The following SAE1 variants were observed in gnomAD, a reference collection of about 807,000 sequenced individuals.
SAE1 encodes the protein SUMO1 activating enzyme subunit 1, also known as SUMO-activating enzyme subunit 1.
In SAE1, 11 loss-of-function variants were observed where a neutral mutation model predicts 40.6. The observed-to-expected ratio is 0.27, with a 90% CI of 0.17 to 0.45. The LOEUF is 0.45. SAE1 is among the 20% of genes least tolerant of loss of function. The pLI is 1.00. For missense variants in SAE1, 373 were observed against 427.3 expected, an observed-to-expected ratio of 0.87 and a Z score of 1.12; for synonymous variants, 155 against 154.3, an observed-to-expected ratio of 1.00 and a Z score of -0.03.
intron 1 of SAE1, among the ~76,000 whole-genome samples, chr19:47,132,902 A>G (rs1233701583): frequency 1.3e-5 from 2 of 151,870 alleles, no homozygotes; most frequent in Non-Finnish European, 2.9e-5. Context: ...AAAAAAAAAA[A>G]AAATCCACAA....
At chr19:47,170,020 T>C (rs961454669) in intron 6 of SAE1, 97 bp downstream of exon 6, 1 of 884,460 alleles carries the variant, frequency 1.1e-6, no homozygotes. Flanking sequence ...ATGTTTGCCT[T>C]GGGTGGCATT....
In SAE1 at chr19:47,205,166, G is replaced by A. The variant is rs535059363; in HGVS notation, c.948+1426G>A. 6.6e-5 allele frequency among the ~76,000 whole-genome samples: 10 copies of A among 152,198 alleles called. No homozygotes were observed. In the South Asian group the frequency reaches 8.3e-4, roughly 13 times the overall value. On this transcript the variant is annotated intron_variant, in intron 8 of 8. Coordinates refer to ENST00000270225, the MANE Select transcript of SAE1 (RefSeq NM_005500.3). ...TCCTTCTTTCTTATGGAGCAGAGTC[G>A]TGCCTGGTTAAATGATTGGCCATGT...
At chr19:47,148,809 T>C (rs1329484020) in intron 2 of SAE1, among the ~76,000 whole-genome samples, 1 of 152,068 alleles carries the variant, frequency 6.6e-6, no homozygotes, top group Non-Finnish European at 1.5e-5. Context: ...AGATGGGGTT[T>C]CACCATGTTG....
At chr19:47,132,499 C>A (rs2058151930) in intron 1 of SAE1, among the ~76,000 whole-genome samples, 1 of 150,212 alleles carries the variant, frequency 6.7e-6, no homozygotes, top group Admixed American at 6.7e-5. Flanking sequence ...CTCAAGCGAT[C>A]CTCGGCCTCA....
chr19:47,146,717 C>T (rs1034789499), intron 2 of SAE1, among the ~76,000 whole-genome samples: 18 of 152,106 alleles, frequency 1.2e-4, no homozygotes, highest in African/African-American at 1.4e-4. Flanking sequence ...GTGGTACGGC[C>T]GGGACCCAGG....
chr19:47,139,554 A>G (rs1376080902), intron 1 of SAE1, among the ~76,000 whole-genome samples: 2 of 150,964 alleles, frequency 1.3e-5, no homozygotes, highest in Non-Finnish European at 2.9e-5. Flanking sequence ...ACTTGAGGGA[A>G]GTAGATGGAC....
At chr19:47,175,728 C>T (rs1054259592) in intron 6 of SAE1, among the ~76,000 whole-genome samples, 1 of 152,196 alleles carries the variant, frequency 6.6e-6, no homozygotes, top group African/African-American at 2.4e-5. Flanking sequence ...CAGAACGAGA[C>T]TCTGTCTCAA....
intron 1 of SAE1, among the ~76,000 whole-genome samples, chr19:47,136,202 G>A (rs572674786): frequency 6.6e-6 from 1 of 150,466 alleles, no homozygotes; most frequent in East Asian, 2.0e-4. Flanking sequence ...ACAGTGGCAC[G>A]ATCTCAGCCC....
At chr19:47,148,363 T>C (rs2058266992) in intron 2 of SAE1, among the ~76,000 whole-genome samples, 1 of 151,936 alleles carries the variant, frequency 6.6e-6, no homozygotes, top group Non-Finnish European at 1.5e-5. Flanking sequence ...GTAGGAGGTG[T>C]TGAGGGGAGA....
chr19:47,150,448 C>T, intron 3 of SAE1, 73 bp downstream of exon 3: 2 of 1,205,584 alleles, frequency 1.7e-6, no homozygotes, highest in Non-Finnish European at 2.3e-6. Context: ...ACTTTCAAAT[C>T]CCAAAGCAAT....
Position 47,189,418 on chromosome 19 carries a change from G to A in SAE1, c.734-7815G>A, listed in dbSNP as rs768556572. ...TAAAAAATATGTATATAAATGAGCC[G>A]GGCGTAGTGGTGCGTGCCTGTAATC... On this transcript the variant is annotated intron_variant, in intron 6 of 8. Transcript: ENST00000270225. Among the ~76,000 whole-genome samples, 5 of 152,248 alleles carry A rather than the reference G, an allele frequency of 3.3e-5. No homozygotes were observed. In the South Asian group the frequency reaches 6.2e-4, roughly 19 times the overall value.
At chr19:47,139,343 A>T (rs2058202964) in intron 1 of SAE1, among the ~76,000 whole-genome samples, 1 of 151,760 alleles carries the variant, frequency 6.6e-6, no homozygotes, top group Non-Finnish European at 1.5e-5. Context: ...CGCCTGGCAC[A>T]CCCAGCTAAT....
intron 3 of SAE1, among the ~76,000 whole-genome samples, chr19:47,151,542 G>A (rs2058288107): frequency 6.6e-6 from 1 of 151,952 alleles, no homozygotes; most frequent in African/African-American, 2.4e-5. Flanking sequence ...CATGATCTTG[G>A]CTCACTGCAA....
At chr19:47,159,371 A>C (rs1320842132) in intron 5 of SAE1, among the ~76,000 whole-genome samples, 1 of 151,922 alleles carries the variant, frequency 6.6e-6, no homozygotes, top group East Asian at 1.9e-4. Flanking sequence ...GGTGGCCCTT[A>C]GGTTGCTTGT....
Position 47,209,378 on chromosome 19 carries a change from C to T in SAE1, c.*127C>T, listed in dbSNP as rs1048064356. ...GTCATTGGCCCGATACAAAACATTTCCTGCAACGAAGGAGGTGGTGCCGAC... is the reference window on the plus strand; with the variant it reads ...GTCATTGGCCCGATACAAAACATTTTCTGCAACGAAGGAGGTGGTGCCGAC... On this transcript the variant is annotated 3_prime_UTR_variant, in exon 9 of 9. Transcript: ENST00000270225. The T allele has an allele frequency of 1.3e-6, 2 of 1,520,984 alleles. No homozygotes were observed. Among genetic ancestry groups the T allele is most frequent in the Non-Finnish European group, 1.8e-6 (2 of 1,119,818 alleles). 94.2% of individuals were successfully genotyped at this position (1,520,984 alleles called of 1,614,324 possible).
At chr19:47,163,543 C>A (rs574297409) in intron 5 of SAE1, among the ~76,000 whole-genome samples, 1 of 152,034 alleles carries the variant, frequency 6.6e-6, no homozygotes, top group Admixed American at 6.6e-5. Flanking sequence ...GCCTGGCCAA[C>A]ATGGTGAAAC....
chr19:47,168,289 C>G (rs138124511), intron 5 of SAE1, among the ~76,000 whole-genome samples: 1 of 152,106 alleles, frequency 6.6e-6, no homozygotes, highest in African/African-American at 2.4e-5. Context: ...CCACATGTGT[C>G]ATTTCCAAAT....
chr19:47,209,531 A>C lies in SAE1; in HGVS notation c.*280A>C. Reference sequence around the variant, plus strand: ...CCCTGAGTGATGAGCACTTCCAAGCACCCCTCTGCCCTTTCTCTGTCCTTA... The same window carrying C: ...CCCTGAGTGATGAGCACTTCCAAGCCCCCCTCTGCCCTTTCTCTGTCCTTA... On this transcript the variant is annotated 3_prime_UTR_variant, in exon 9 of 9. Coordinates refer to ENST00000270225, the MANE Select transcript of SAE1 (RefSeq NM_005500.3). The C allele has an allele frequency of 5.5e-6, 3 of 544,394 alleles. No homozygotes were observed. Among genetic ancestry groups the C allele is most frequent in the East Asian group, 3.1e-5 (1 of 32,468 alleles). The allele number at this position is 544,394 out of a possible 1,614,324, so 33.7% of individuals were successfully genotyped here. A position where few individuals can be genotyped will look rare whatever the true frequency, so the allele number is the denominator to read the frequency against.
At chr19:47,144,585 G>GTT (rs2058243151) in intron 2 of SAE1, among the ~76,000 whole-genome samples, 2 of 151,730 alleles carry the variant, frequency 1.3e-5, no homozygotes, top group African/African-American at 4.8e-5. Flanking sequence ...TGTGGTCCCA[G>GTT]CTACTCGGGA....
Sources: gnomAD v4.1 joint callset for allele counts (sites outside exome capture counted in the v4.1 genomes callset) on GRCh38, gnomAD v4.1.1 for gene constraint, MANE v1.5 for transcripts, NCBI Gene and HGNC (gene_info 2026-07-23, HGNC 2026-07-21) for gene names.